CPNE2: variants seen among roughly 807,000 people sequenced by gnomAD.
CPNE2 encodes the protein copine 2.
Under a neutral mutation model 69.7 loss-of-function variants are expected in CPNE2, and 42 were observed. That is an observed-to-expected ratio of 0.60 (90% CI 0.47 to 0.78). The LOEUF (loss-of-function observed/expected upper bound fraction) is 0.78. Ranked by LOEUF, CPNE2 falls within the 30% of genes least tolerant of loss-of-function variation. CPNE2 has a pLI of 0.00. For synonymous variants in CPNE2, 294 were observed against 289.8 expected (o/e 1.01, Z -0.15); for missense variants, 587 against 732.0 (o/e 0.80, Z 2.29).
intron 13 of CPNE2, among the ~76,000 whole-genome samples, chr16:57,135,735 G>A (rs751139296): frequency 2.4e-4 from 36 of 151,580 alleles, no homozygotes; most frequent in Non-Finnish European, 4.6e-4. Flanking sequence ...TTAGCCAGGC[G>A]TGGTGGTGCG....
At chr16:57,127,363 G>A (rs760491271) in intron 11 of CPNE2, among the ~76,000 whole-genome samples, 6 of 152,194 alleles carry the variant, frequency 3.9e-5, no homozygotes, top group Admixed American at 2.0e-4. Context: ...CAGGGCTAGG[G>A]GAGTGGGGTG....
At position 57,119,262 on chromosome 16, in the gene CPNE2, T is replaced by A. The variant is rs375129266; in HGVS notation, c.575T>A (p.Leu192Gln). Residue 192 changes from leucine (L) to glutamine (Q), a missense_variant, in exon 6 of 16, where the codon CTG (leucine) becomes CAG (glutamine). Physicochemically the swap from Leu to Gln is moderately radical, Grantham distance 113. Transcript: ENST00000290776. ...CCAGGAGACGATGGCAAGTGGATGC[T>A]GGTCCACAGGACTGAGGTGGGTACG... Reference protein sequence around the residue: ...YKPGDDGKWMLVHRTEVIKYT... With the variant: ...YKPGDDGKWMQVHRTEVIKYT... The A allele has an allele frequency of 2.1e-5, 34 of 1,614,014 alleles. No individual in the cohort carries two copies. The highest frequency in any genetic ancestry group is 2.5e-5 in the Non-Finnish European group (29 of 1,180,014).
At chr16:57,128,076 C>G (rs1462529694) in intron 12 of CPNE2, among the ~76,000 whole-genome samples, 173 bp downstream of exon 12, 1 of 152,162 alleles carries the variant, frequency 6.6e-6, no homozygotes, top group Non-Finnish European at 1.5e-5. Flanking sequence ...GGCACTGAGG[C>G]TGTAACGGGG....
At chr16:57,121,850 G>C (rs2069764957) in intron 9 of CPNE2, 90 bp downstream of exon 9, 2 of 1,282,274 alleles carry the variant, frequency 1.6e-6, no homozygotes. Context: ...AGCCAGCGAG[G>C]CCTGTGTTCA....
At chr16:57,101,564 G>A (rs113544162) in intron 1 of CPNE2, among the ~76,000 whole-genome samples, 49 of 150,816 alleles carry the variant, frequency 3.2e-4, no homozygotes, top group African/African-American at 1.1e-3. Context: ...AGCAGGGCTT[G>A]TATGGAGACC....
At chr16:57,134,871 C>T (rs774652645) in intron 13 of CPNE2, 45 bp downstream of exon 13, 2 of 1,601,716 alleles carry the variant, frequency 1.2e-6, no homozygotes, top group South Asian at 1.1e-5. Flanking sequence ...TTGCTACGGG[C>T]CTGGCCAGCT....
intron 14 of CPNE2, chr16:57,144,943 A>G (rs2069946654): frequency 6.6e-6 from 1 of 152,174 alleles, no homozygotes; most frequent in Admixed American, 6.5e-5. Flanking sequence ...GTCTAAAAAA[A>G]AAAGAAAAAA....
chr16:57,116,323 G>A (rs540706765), intron 4 of CPNE2, among the ~76,000 whole-genome samples: 2 of 152,142 alleles, frequency 1.3e-5, no homozygotes, highest in East Asian at 1.9e-4. Flanking sequence ...CTCTTACTCT[G>A]TTCCTGCCCC....
chr16:57,099,533 A>G (rs768182788), intron 1 of CPNE2, among the ~76,000 whole-genome samples: 1 of 135,618 alleles, frequency 7.4e-6, no homozygotes, highest in Non-Finnish European at 1.5e-5. Flanking sequence ...GTTGCTCTGC[A>G]TTATTGCCAA....
At chr16:57,120,080 C>G (rs965067970) in intron 7 of CPNE2, among the ~76,000 whole-genome samples, 1 of 151,310 alleles carries the variant, frequency 6.6e-6, no homozygotes, top group African/African-American at 2.4e-5. Flanking sequence ...CAAGACCAGC[C>G]TGGCCAACAT....
At position 57,137,219 on chromosome 16, in the gene CPNE2, C is replaced by T. The variant is rs1403670193; in HGVS notation, c.1239C>T (p.Phe413=). 4 of 1,614,130 alleles carry T rather than the reference C, an allele frequency of 2.5e-6. No homozygotes were observed. The highest frequency in any genetic ancestry group is 3.4e-6 in the Non-Finnish European group (4 of 1,180,050). Reference sequence around the variant, plus strand: ...TCCGCTTCTACGGTCCTACCAATTTCTCCCCCATCGTCAACCACGTGGCCC... The same window carrying T: ...TCCGCTTCTACGGTCCTACCAATTTTTCCCCCATCGTCAACCACGTGGCCC... ...PHIRFYGPTN[F]SPIVNHVARF... Residue 413 remains phenylalanine, a synonymous_variant, in exon 14 of 16, where the codon TTC becomes TTT. Transcript: ENST00000290776.
At chr16:57,101,398 C>T (rs1019442109) in intron 1 of CPNE2, among the ~76,000 whole-genome samples, 4 of 152,190 alleles carry the variant, frequency 2.6e-5, no homozygotes, top group Non-Finnish European at 5.9e-5. Flanking sequence ...GTTCCAACCC[C>T]CCAAAAGTTC....
At chr16:57,129,754 G>C (rs964601139) in intron 12 of CPNE2, among the ~76,000 whole-genome samples, 4 of 152,212 alleles carry the variant, frequency 2.6e-5, no homozygotes, top group African/African-American at 9.6e-5. Flanking sequence ...GGGAGGCAGT[G>C]GTTGCAGTGA....
At chr16:57,119,305 C>T in intron 6 of CPNE2, 27 bp downstream of exon 6, 1 of 1,602,974 alleles carries the variant, frequency 6.2e-7, no homozygotes, top group Middle Eastern at 1.7e-4. Flanking sequence ...CCAGGGATCT[C>T]TAAGCAGTGG....
chr16:57,134,668 T>G, intron 12 of CPNE2, 107 bp from the exon 13 acceptor site: 1 of 1,172,852 alleles, frequency 8.5e-7, no homozygotes, highest in Non-Finnish European at 1.3e-6. Flanking sequence ...GGGGTGGGGG[T>G]TATGAGCCGG....
chr16:57,131,400 G>A (rs901659674), intron 12 of CPNE2, among the ~76,000 whole-genome samples: 9 of 152,072 alleles, frequency 5.9e-5, no homozygotes, highest in African/African-American at 2.2e-4. Flanking sequence ...AGATGTGGGT[G>A]TCCTGGCTCC....
intron 12 of CPNE2, chr16:57,128,998 G>A (rs1223412528): frequency 6.6e-6 from 1 of 152,346 alleles, no homozygotes; most frequent in East Asian, 1.9e-4. Flanking sequence ...CCCAGCTTGG[G>A]GCCATCAGGC....
intron 1 of CPNE2, among the ~76,000 whole-genome samples, chr16:57,099,513 G>A (rs2069599318): frequency 1.3e-5 from 2 of 150,174 alleles, no homozygotes; most frequent in African/African-American, 4.9e-5. Flanking sequence ...GGCAACCTGT[G>A]TGTGTTCCAG....
intron 14 of CPNE2, among the ~76,000 whole-genome samples, chr16:57,138,015 C>T (rs1226708441): frequency 6.6e-6 from 1 of 152,208 alleles, no homozygotes; most frequent in African/African-American, 2.4e-5. Flanking sequence ...TCTGCCTTCT[C>T]CTGACCTTGG....
Sources: gnomAD v4.1 joint callset for allele counts (sites outside exome capture counted in the v4.1 genomes callset) on GRCh38, gnomAD v4.1.1 for gene constraint, MANE v1.5 for transcripts, NCBI Gene and HGNC (gene_info 2026-07-23, HGNC 2026-07-21) for gene names.